The following CHODL variants were observed in gnomAD, a reference collection of about 807,000 sequenced individuals.
The protein encoded by CHODL is transmembrane protein MT75.
A neutral mutation model predicts 34.5 loss-of-function variants in CHODL; 29 were observed. The ratio of observed to expected loss-of-function variants is 0.84; its 90% CI spans 0.63 to 1.15. The LOEUF (loss-of-function observed/expected upper bound fraction) is 1.15. Ranked by LOEUF, CHODL falls within the 50% of genes most tolerant of loss-of-function variation. CHODL has a pLI of 0.00. For missense variants in CHODL, 332 were observed against 332.5 expected (o/e 1.00, Z 0.01); for synonymous variants, 125 against 116.1 (o/e 1.08, Z -0.49).
intron 2 of CHODL, among the ~76,000 whole-genome samples, chr21:18,207,115 A>G (rs1043929466): frequency 6.6e-6 from 1 of 151,896 alleles, no homozygotes; most frequent in African/African-American, 2.4e-5. Flanking sequence ...ATTCCCACCT[A>G]TGTGTGAGAA....
chr21:18,147,065 C>T (rs2072899511), intron 2 of CHODL, among the ~76,000 whole-genome samples: 1 of 152,102 alleles, frequency 6.6e-6, no homozygotes, highest in African/African-American at 2.4e-5. Flanking sequence ...ATGTTCTGAC[C>T]ATTGGAAAAG....
intron 2 of CHODL, among the ~76,000 whole-genome samples, chr21:18,126,962 ATGGC>A (rs1222990203): frequency 6.6e-6 from 1 of 152,212 alleles, no homozygotes; most frequent in Non-Finnish European, 1.5e-5. Context: ...AGATAAATTG[ATGGC>A]CAAATGAACT....
At chr21:18,024,373 G>A (rs144898074) in intron 1 of CHODL, among the ~76,000 whole-genome samples, 345 of 152,222 alleles carry the variant, frequency 2.3e-3, no homozygotes, top group African/African-American at 7.4e-3. Flanking sequence ...AGGGCAGGGC[G>A]CAAGTCCTGA....
At chr21:18,047,866 T>C (rs576418341) in intron 2 of CHODL, among the ~76,000 whole-genome samples, 1 of 152,072 alleles carries the variant, frequency 6.6e-6, no homozygotes, top group East Asian at 1.9e-4. Context: ...CTTGTGACGC[T>C]TCACAGTGTG....
intron 2 of CHODL, among the ~76,000 whole-genome samples, chr21:18,148,478 G>A (rs1407981364): frequency 6.6e-6 from 1 of 152,016 alleles, no homozygotes; most frequent in African/African-American, 2.4e-5. Context: ...TTGGGGACTT[G>A]GGGGAGAATT....
chr21:18,158,838 TAAA>T (rs11423104), intron 2 of CHODL, among the ~76,000 whole-genome samples: 1 of 121,246 alleles, frequency 8.2e-6, no homozygotes, highest in Non-Finnish European at 1.6e-5. Flanking sequence ...AACTCCGTCT[TAAA>T]AAAAAAAAAA....
At chr21:17,963,443 T>TAC (rs2063548151) in intron 1 of CHODL, among the ~76,000 whole-genome samples, 1 of 152,168 alleles carries the variant, frequency 6.6e-6, no homozygotes, top group Non-Finnish European at 1.5e-5. Flanking sequence ...AGGGTGGCCT[T>TAC]ACAATCGTGG....
rs910565069 is a variant in CHODL, at chr21:18,013,935, A to G, written c.-144-13937A>G. Among the ~76,000 whole-genome samples the G allele has an allele frequency of 7.9e-5, 12 of 151,968 alleles. No individual in the cohort carries two copies. In the East Asian group the frequency reaches 1.8e-3, roughly 22 times the overall value. ...CCGGCGTGAGCCACCGCGCCTGGCT[A>G]TTTTCTGCTTCTTCTGATAAGACTG... On this transcript the variant is annotated intron_variant, in intron 1 of 6. Transcript: ENST00000400127.
chr21:17,957,253 G>A (rs373057837), intron 1 of CHODL, among the ~76,000 whole-genome samples: 33 of 152,180 alleles, frequency 2.2e-4, no homozygotes, highest in African/African-American at 7.7e-4. Context: ...GGCCACAACC[G>A]TGTCTCATAT....
At chr21:18,094,778 C>T (rs1305193047) in intron 2 of CHODL, among the ~76,000 whole-genome samples, 1 of 147,148 alleles carries the variant, frequency 6.8e-6, no homozygotes, top group Non-Finnish European at 1.5e-5. Context: ...CCTAATAGCA[C>T]ATCTTAATAA....
chr21:18,170,617 C>T (rs1416562090), intron 2 of CHODL, among the ~76,000 whole-genome samples: 1 of 150,020 alleles, frequency 6.7e-6, no homozygotes, highest in Non-Finnish European at 1.5e-5. Context: ...ATTTATAACA[C>T]TCTATTTCAG....
At chr21:17,987,842 A>C (rs1387405377) in intron 1 of CHODL, among the ~76,000 whole-genome samples, 1 of 152,160 alleles carries the variant, frequency 6.6e-6, no homozygotes, top group Non-Finnish European at 1.5e-5. Flanking sequence ...TGCTATGTCT[A>C]TTATGTATTT....
At chr21:18,157,890 C>T (rs934637912) in intron 2 of CHODL, among the ~76,000 whole-genome samples, 3 of 151,298 alleles carry the variant, frequency 2.0e-5, no homozygotes, top group Non-Finnish European at 4.4e-5. Flanking sequence ...CTGGGTTTAC[C>T]ATTTTTAAAG....
At chr21:17,940,777 A>G (rs1423661812) in intron 1 of CHODL, among the ~76,000 whole-genome samples, 1 of 152,018 alleles carries the variant, frequency 6.6e-6, no homozygotes, top group Non-Finnish European at 1.5e-5. Context: ...CTTCTAAACA[A>G]TCTCTGATTA....
chr21:18,186,454 A>G (rs2073443156), intron 2 of CHODL, among the ~76,000 whole-genome samples: 1 of 152,118 alleles, frequency 6.6e-6, no homozygotes, highest in Admixed American at 6.5e-5. Context: ...TTTCTTTAGC[A>G]GGGTCCCAGA....
chr21:18,186,736 C>T (rs1254178005), intron 2 of CHODL, among the ~76,000 whole-genome samples: 1 of 152,144 alleles, frequency 6.6e-6, no homozygotes, highest in Non-Finnish European at 1.5e-5. Context: ...TAAATCCACA[C>T]AATAATATTT....
intron 2 of CHODL, among the ~76,000 whole-genome samples, chr21:18,198,210 G>C (rs935868693): frequency 1.3e-5 from 2 of 152,070 alleles, no homozygotes. Flanking sequence ...ATATTCCCTA[G>C]GTAGATACAA....
intron 2 of CHODL, among the ~76,000 whole-genome samples, chr21:18,057,850 TATA>T (rs1398988886): frequency 6.6e-6 from 1 of 152,128 alleles, no homozygotes; most frequent in Non-Finnish European, 1.5e-5. Context: ...AAAATTGACA[TATA>T]ATAATTGTAC....
Position 17,947,111 on chromosome 21 carries a change from C to T in CHODL, c.-145+29711C>T, listed in dbSNP as rs143205504. Reference sequence around the variant, plus strand: ...CCAGGATACATCATCTATTAGACCACAAAATAAGTCTTAACAAATTTAAAA... The same window carrying T: ...CCAGGATACATCATCTATTAGACCATAAAATAAGTCTTAACAAATTTAAAA... On this transcript the variant is annotated intron_variant, in intron 1 of 6. Transcript: ENST00000400127. 2.4e-3 allele frequency among the ~76,000 whole-genome samples: 369 copies of T among 152,062 alleles called. 3 individuals carry two copies. Among genetic ancestry groups the T allele is most frequent in the African/African-American group, 8.4e-3 (347 of 41,486 alleles).
Sources: gnomAD v4.1 joint callset for allele counts (sites outside exome capture counted in the v4.1 genomes callset) on GRCh38, gnomAD v4.1.1 for gene constraint, MANE v1.5 for transcripts, NCBI Gene and HGNC (gene_info 2026-07-23, HGNC 2026-07-21) for gene names.